Variants in SLCO6A1 observed in about 807,000 individuals in gnomAD.
SLCO6A1 encodes the protein solute carrier organic anion transporter family member 6A1.
SLCO6A1 carries 65 observed loss-of-function variants against 72.7 expected under a neutral mutation model. The observed-to-expected ratio is 0.89, with a 90% confidence interval of 0.73 to 1.10. The LOEUF is 1.10. Among genes scored for constraint, SLCO6A1 ranks in the 50% least tolerant of loss-of-function variants. The pLI is 0.00. For synonymous variants in SLCO6A1, 314 were observed against 298.2 expected (o/e 1.05, Z -0.55); for missense variants, 874 against 872.6 (o/e 1.00, Z -0.02).
chr5:102,475,635 T>C, intron 4 of SLCO6A1, 62 bp downstream of exon 4: 4 of 1,031,740 alleles, frequency 3.9e-6, no homozygotes, highest in South Asian at 1.6e-5. Flanking sequence ...TTGTAAGCTA[T>C]GGTAGCTATT....
At chr5:102,445,619 T>C (rs552773356) in intron 6 of SLCO6A1, among the ~76,000 whole-genome samples, 1 of 152,306 alleles carries the variant, frequency 6.6e-6, no homozygotes, top group African/African-American at 2.4e-5. Context: ...CATGATTGTT[T>C]TCAGAGTCTC....
chr5:102,376,975 G>C (rs1745831028), intron 12 of SLCO6A1, among the ~76,000 whole-genome samples: 1 of 152,062 alleles, frequency 6.6e-6, no homozygotes, highest in Non-Finnish European at 1.5e-5. Flanking sequence ...ATCAGCCTGG[G>C]CAACACAGTG....
chr5:102,383,777 T>C (rs888185412), intron 12 of SLCO6A1, among the ~76,000 whole-genome samples: 2 of 151,882 alleles, frequency 1.3e-5, no homozygotes, highest in African/African-American at 4.8e-5. Flanking sequence ...TTAGTATTAT[T>C]TCATCTTTAA....
chr5:102,434,604 A>C (rs1749403135), intron 7 of SLCO6A1, among the ~76,000 whole-genome samples: 2 of 152,184 alleles, frequency 1.3e-5, no homozygotes, highest in South Asian at 4.1e-4. Flanking sequence ...GATAGGATGA[A>C]ATTCAAACCC....
intron 6 of SLCO6A1, among the ~76,000 whole-genome samples, chr5:102,444,572 C>T (rs1261998603): frequency 1.3e-5 from 2 of 152,088 alleles, no homozygotes; most frequent in Non-Finnish European, 2.9e-5. Flanking sequence ...AATAAAATAT[C>T]TCCTCTAGAA....
intron 6 of SLCO6A1, among the ~76,000 whole-genome samples, chr5:102,449,152 G>A (rs1303613354): frequency 2.0e-5 from 3 of 152,022 alleles, no homozygotes; most frequent in African/African-American, 4.8e-5. Context: ...GAAATTCTTG[G>A]TTCTAATTTC....
At chr5:102,407,709 C>T (rs572767244) in intron 9 of SLCO6A1, among the ~76,000 whole-genome samples, 24 of 152,230 alleles carry the variant, frequency 1.6e-4, no homozygotes, top group East Asian at 3.9e-4. Context: ...ACACTGAAGA[C>T]GGAGTGGGTT....
intron 12 of SLCO6A1, among the ~76,000 whole-genome samples, chr5:102,373,843 T>C (rs997639410): frequency 3.3e-5 from 5 of 152,194 alleles, no homozygotes; most frequent in Admixed American, 2.6e-4. Flanking sequence ...GCAGCTTTGC[T>C]CTTTTTGAAA....
chr5:102,456,635 C>T (rs1561477127), intron 6 of SLCO6A1, among the ~76,000 whole-genome samples: 1 of 152,190 alleles, frequency 6.6e-6, no homozygotes, highest in Non-Finnish European at 1.5e-5. Context: ...ATTCCATGCT[C>T]ATGGGTAGGA....
intron 2 of SLCO6A1, among the ~76,000 whole-genome samples, chr5:102,478,431 CT>C (rs907802032): frequency 6.6e-6 from 1 of 152,146 alleles, no homozygotes; most frequent in African/African-American, 2.4e-5. Flanking sequence ...ATGTTCACCT[CT>C]TTAACAATCT....
chr5:102,489,662 G>C (rs1057475817), intron 1 of SLCO6A1, among the ~76,000 whole-genome samples: 2 of 152,058 alleles, frequency 1.3e-5, no homozygotes, highest in African/African-American at 4.8e-5. Context: ...ATTTATGTAA[G>C]AGTAACCATT....
chr5:102,488,600 G>C (rs1278433384), intron 1 of SLCO6A1, among the ~76,000 whole-genome samples: 1 of 152,164 alleles, frequency 6.6e-6, no homozygotes, highest in African/African-American at 2.4e-5. Context: ...TAAGCAATGA[G>C]AAATTATGGG....
intron 13 of SLCO6A1, among the ~76,000 whole-genome samples, chr5:102,373,074 T>A (rs7736753): frequency 6.6e-6 from 1 of 151,110 alleles, no homozygotes; most frequent in Admixed American, 6.6e-5. Context: ...TCACGTCAGT[T>A]AAAATTAACC....
At chr5:102,468,231 G>C (rs1002511696) in intron 4 of SLCO6A1, among the ~76,000 whole-genome samples, 1 of 152,002 alleles carries the variant, frequency 6.6e-6, no homozygotes, top group African/African-American at 2.4e-5. Flanking sequence ...TAAATTTATC[G>C]AGACATATTT....
chr5:102,432,773 C>A (rs1749291023), intron 7 of SLCO6A1, among the ~76,000 whole-genome samples: 1 of 152,114 alleles, frequency 6.6e-6, no homozygotes, highest in Admixed American at 6.6e-5. Flanking sequence ...TTGTGAAGCA[C>A]TTTGTGAGAG....
At chr5:102,475,815 T>C in intron 3 of SLCO6A1, 22 bp from the exon 4 acceptor site, 1 of 1,524,512 alleles carries the variant, frequency 6.6e-7, no homozygotes, top group Non-Finnish European at 8.9e-7. Flanking sequence ...GCACTGAAAC[T>C]GAACATCAAA....
intron 9 of SLCO6A1, among the ~76,000 whole-genome samples, chr5:102,408,126 T>A (rs1233873655): frequency 6.6e-6 from 1 of 152,158 alleles, no homozygotes; most frequent in African/African-American, 2.4e-5. Context: ...TTCCTATACA[T>A]ACATACCTAT....
chr5:102,463,675 T>C (rs1237942337), intron 4 of SLCO6A1, among the ~76,000 whole-genome samples: 1 of 151,938 alleles, frequency 6.6e-6, no homozygotes, highest in Non-Finnish European at 1.5e-5. Context: ...TCACCTGAGC[T>C]CGGGAGTTCA....
rs140805258 is a variant in SLCO6A1 at position 102,388,769 on chromosome 5, G to A, written c.1936C>T (p.Arg646Trp). 557 of 1,607,570 alleles carry A rather than the reference G, an allele frequency of 3.5e-4. 2 individuals are homozygous for A. The African/African-American group carries it at 6.2e-3, about 18-fold the overall frequency. The change falls in exon 12 of 14, where the codon CGG (arginine) becomes TGG (tryptophan). Residue 646 changes from arginine to tryptophan, a missense_variant. Physicochemically the swap from Arg to Trp is moderately radical, Grantham distance 101. Coordinates refer to ENST00000506729, the MANE Select transcript of SLCO6A1 (RefSeq NM_173488.5). ...GTGTGTCCACATTTATTAACATCCC[G>A]TAAAATACAAGAAGTTTCTCCTGAC... ...KMSGETSCILRDVNKCGHTGR... is the reference protein window; with the variant it reads ...KMSGETSCILWDVNKCGHTGR...
Sources: allele counts gnomAD v4.1 joint callset (sites outside exome capture counted in the v4.1 genomes callset), GRCh38; gene constraint gnomAD v4.1.1; transcripts MANE v1.5; gene names NCBI Gene and HGNC (gene_info 2026-07-23, HGNC 2026-07-21).